The following VANGL1 variants were observed in gnomAD, a reference collection of about 807,000 sequenced individuals.
The protein encoded by VANGL1 is vang-like protein 1.
Under a neutral mutation model 48.4 loss-of-function variants are expected in VANGL1, and 18 were observed. The ratio of observed to expected loss-of-function variants is 0.37; its 90% CI spans 0.26 to 0.55. The LOEUF is 0.55. Ranked by LOEUF, VANGL1 falls within the 20% of genes least tolerant of loss-of-function variation. The pLI, the probability that VANGL1 is intolerant of heterozygous loss-of-function variation, is 0.81. For missense variants in VANGL1, 667 were observed against 675.8 expected, an observed-to-expected ratio of 0.99 and a Z score of 0.14; for synonymous variants, 257 against 261.8, an observed-to-expected ratio of 0.98 and a Z score of 0.18.
At chr1:115,686,640 ATG>A (rs1349255744) in intron 7 of VANGL1, among the ~76,000 whole-genome samples, 1 of 152,076 alleles carries the variant, frequency 6.6e-6, no homozygotes, top group Non-Finnish European at 1.5e-5. Flanking sequence ...TATTAGATAT[ATG>A]GCTGTTTCTT....
intron 1 of VANGL1, among the ~76,000 whole-genome samples, chr1:115,643,931 A>G (rs1651823089): frequency 6.6e-6 from 1 of 152,156 alleles, no homozygotes; most frequent in South Asian, 2.1e-4. Context: ...TTGTGTTTTA[A>G]TTGGAGGTCT....
chr1:115,647,587 A>G (rs12565111), intron 1 of VANGL1, among the ~76,000 whole-genome samples: 17,935 of 152,202 alleles, frequency 0.12, 1,332 homozygotes, highest in South Asian at 0.33. Flanking sequence ...GTTGGTAACT[A>G]TTAGAAACGG....
chr1:115,683,973 C>T lies in VANGL1; in HGVS notation c.976C>T (p.Arg326Trp), dbSNP rs771681975. 2.0e-5 allele frequency: 32 copies of T among 1,613,848 alleles called. No homozygotes were observed. Among genetic ancestry groups the T allele is most frequent in the Non-Finnish European group, 2.3e-5 (27 of 1,179,946 alleles). The change falls in exon 6 of 8, where the codon CGG becomes TGG. Residue 326 changes from arginine (R) to tryptophan (W), a missense_variant. By Grantham distance (101) the Arg-to-Trp change is moderately radical. Coordinates refer to ENST00000355485, the MANE Select transcript of VANGL1 (RefSeq NM_138959.3). The part of the protein sequence containing the change: ...GPSNNATGQS[R>W]AMIAAAARRR... ...CAGTAACAATGCCACTGGCCAGTCC[C>T]GGGCCATGATTGCTGCAGCTGCTCG...
chr1:115,685,444 A>T lies in VANGL1; in HGVS notation c.1231A>T (p.Ile411Phe). The T allele has an allele frequency of 6.2e-7, 1 of 1,614,104 alleles. No homozygotes were observed. Residue 411 changes from isoleucine (I) to phenylalanine (F), a missense_variant, in exon 7 of 8, where the codon ATC becomes TTC. Ile to Phe is a conservative substitution (Grantham distance 21). Coordinates refer to ENST00000355485, the MANE Select transcript of VANGL1 (RefSeq NM_138959.3). ...MARALQKYLR[I>F]TRQQNYHSME... ...CAGGGCTCTCCAGAAGTACCTGCGC[A>T]TCACCCGGCAGCAGAACTACCACAG...
At chr1:115,677,986 T>C (rs1006201964) in intron 4 of VANGL1, among the ~76,000 whole-genome samples, 1 of 152,208 alleles carries the variant, frequency 6.6e-6, no homozygotes, top group Non-Finnish European at 1.5e-5. Flanking sequence ...TTCCATGATT[T>C]TATGAAATAC....
Position 115,687,705 on chromosome 1 carries a change from CTGTGTGTGTGTG to C in VANGL1, c.1314+2212_1314+2223del, listed in dbSNP as rs56094677. Among the ~76,000 whole-genome samples, 874 of 112,858 alleles carry C rather than the reference CTGTGTGTGTGTG, an allele frequency of 7.7e-3. 145 individuals are homozygous for C. Among genetic ancestry groups the C allele is most frequent in the African/African-American group, 0.02 (583 of 28,772 alleles). 74.0% of individuals were successfully genotyped at this position (112,858 alleles called of 152,430 possible). A position where few individuals can be genotyped will look rare whatever the true frequency, so the allele number is the denominator to read the frequency against. Reference sequence around the variant, plus strand: ...AATTGGGTCATTGCTCTCTCTTTCTCTGTGTGTGTGTGTGTGTGTGTGTGTGTGTGTGTGTGT... The same window carrying C: ...AATTGGGTCATTGCTCTCTCTTTCTCTGTGTGTGTGTGTGTGTGTGTGTGT... On this transcript the variant is annotated intron_variant, in intron 7 of 7. Coordinates refer to ENST00000355485, the MANE Select transcript of VANGL1 (RefSeq NM_138959.3).
intron 4 of VANGL1, among the ~76,000 whole-genome samples, chr1:115,665,786 T>C (rs1459101062): frequency 2.0e-5 from 3 of 152,214 alleles, no homozygotes; most frequent in Non-Finnish European, 4.4e-5. Context: ...CTCAGAAGGC[T>C]TTCTTTTCCC....
chr1:115,649,078 G>A (rs1295709857), intron 1 of VANGL1, among the ~76,000 whole-genome samples: 4 of 152,130 alleles, frequency 2.6e-5, no homozygotes, highest in African/African-American at 9.7e-5. Flanking sequence ...TATGAAGCAG[G>A]TGAGAAAACA....
Position 115,691,119 on chromosome 1 carries a change from G to A in VANGL1, c.1315G>A (p.Ala439Thr), listed in dbSNP as rs763659731. Residue 439 changes from alanine to threonine, a missense_variant and splice_region_variant, in exon 8 of 8, where the codon GCC (alanine) becomes ACC (threonine). Ala to Thr is a moderately conservative substitution (Grantham distance 58). Coordinates refer to ENST00000355485, the MANE Select transcript of VANGL1 (RefSeq NM_138959.3). Reference sequence around the variant, plus strand: ...AATGGCCTTTCTCCTCTGCTTCCAGGCCTTCCTAGAACGGTACCTCAGTGC... The same window carrying A: ...AATGGCCTTTCTCCTCTGCTTCCAGACCTTCCTAGAACGGTACCTCAGTGC... ...FCITNGMTPK[A>T]FLERYLSAGP... 6 of 1,614,076 alleles carry A rather than the reference G, an allele frequency of 3.7e-6. No homozygotes were observed. In the Admixed American group the frequency reaches 1.0e-4, roughly 27 times the overall value.
intron 2 of VANGL1, 79 bp downstream of exon 2, chr1:115,651,563 A>G: frequency 1.6e-6 from 2 of 1,262,594 alleles, no homozygotes; most frequent in Non-Finnish European, 2.3e-6. Flanking sequence ...CTCACTTTTC[A>G]GTGACTCAGC....
At position 115,686,864 on chromosome 1, in the gene VANGL1, T is replaced by TGAAA. The variant is rs879755779; in HGVS notation, c.1314+1338_1314+1339insAAAG. 1.1e-3 allele frequency among the ~76,000 whole-genome samples: 162 copies of TGAAA among 140,934 alleles called. 1 individual carries two copies. The highest frequency in any genetic ancestry group is 2.3e-3 in the South Asian group (10 of 4,262). The allele number at this position is 140,934 out of a possible 152,430, so 92.5% of individuals were successfully genotyped here. A position where few individuals can be genotyped will look rare whatever the true frequency, so the allele number is the denominator to read the frequency against. On this transcript the variant is annotated intron_variant, in intron 7 of 7. Transcript: ENST00000355485. ...CAGTTCCTCTACACTTGTTTACTGT[T>TGAAA]GTATCAATGAGGATAATAATAATAT...
chr1:115,689,996 T>A (rs1653772625), intron 7 of VANGL1, among the ~76,000 whole-genome samples: 1 of 139,120 alleles, frequency 7.2e-6, no homozygotes, highest in Non-Finnish European at 1.6e-5. Flanking sequence ...TGGGACCTGA[T>A]TGATATATCC....
chr1:115,651,762 T>TTTTTTTTTATTTC (rs1652154874), intron 2 of VANGL1, among the ~76,000 whole-genome samples: 1 of 135,016 alleles, frequency 7.4e-6, no homozygotes, highest in African/African-American at 3.3e-5. Context: ...TAGGTATTTC[T>TTTTTTTTTATTTC]TTTTTTTTTT....
At chr1:115,689,134 T>G (rs1653744682) in intron 7 of VANGL1, among the ~76,000 whole-genome samples, 1 of 137,896 alleles carries the variant, frequency 7.3e-6, no homozygotes, top group Non-Finnish European at 1.6e-5. Flanking sequence ...TTTTTATATG[T>G]TAATTTTCCA....
intron 4 of VANGL1, among the ~76,000 whole-genome samples, chr1:115,673,456 C>G (rs1281944704): frequency 6.6e-6 from 1 of 152,100 alleles, no homozygotes; most frequent in Non-Finnish European, 1.5e-5. Context: ...CGCAAAGCCT[C>G]TAGGGAAGAA....
chr1:115,643,665 T>C (rs948398542), intron 1 of VANGL1, among the ~76,000 whole-genome samples: 2 of 152,188 alleles, frequency 1.3e-5, no homozygotes, highest in African/African-American at 2.4e-5. Flanking sequence ...TTGAGAGTGA[T>C]ATATTTGTAA....
At chr1:115,664,413 G>T in intron 4 of VANGL1, 145 bp downstream of exon 4, 1 of 1,267,384 alleles carries the variant, frequency 7.9e-7, no homozygotes, top group Non-Finnish European at 1.1e-6. Context: ...GAGATGCGAG[G>T]GTGGGGAGGG....
intron 7 of VANGL1, among the ~76,000 whole-genome samples, chr1:115,690,740 T>C (rs1205738905): frequency 6.6e-6 from 1 of 152,186 alleles, no homozygotes; most frequent in African/African-American, 2.4e-5. Context: ...TGAGAAACTT[T>C]TGGTTCAGGA....
At chr1:115,676,486 A>G (rs1213233873) in intron 4 of VANGL1, among the ~76,000 whole-genome samples, 3 of 152,188 alleles carry the variant, frequency 2.0e-5, no homozygotes, top group Non-Finnish European at 4.4e-5. Context: ...ATGGCCATAT[A>G]AGCTCGTGGT....
Sources: allele counts gnomAD v4.1 joint callset (sites outside exome capture counted in the v4.1 genomes callset), GRCh38; gene constraint gnomAD v4.1.1; transcripts MANE v1.5; gene names NCBI Gene and HGNC (gene_info 2026-07-23, HGNC 2026-07-21).